Variants in TBP observed in about 807,000 individuals in gnomAD.
The protein encoded by TBP is TATA-box-binding protein.
In TBP, 12 loss-of-function variants were observed where a neutral mutation model predicts 46.2. That is an observed-to-expected ratio of 0.26 (90% CI 0.17 to 0.42). The LOEUF (loss-of-function observed/expected upper bound fraction) is 0.42, where lower values mean the gene tolerates loss of function less well. TBP is among the 10% of genes least tolerant of loss of function. The pLI is 1.00. For synonymous variants in TBP, 157 were observed against 148.3 expected (o/e 1.06, Z -0.42); for missense variants, 229 against 403.1 (o/e 0.57, Z 3.70).
At chr6:170,568,750 ACCTG>A (rs36143182) in intron 5 of TBP, among the ~76,000 whole-genome samples, 2 of 137,952 alleles carry the variant, frequency 1.4e-5, no homozygotes, top group African/African-American at 5.5e-5. Flanking sequence ...ACCGTGCCCG[ACCTG>A]CCTGCCTGCC....
intron 6 of TBP, among the ~76,000 whole-genome samples, chr6:170,571,044 T>C (rs898382552): frequency 1.3e-5 from 2 of 152,206 alleles, no homozygotes; most frequent in Admixed American, 1.3e-4. Flanking sequence ...ACTGTAATAG[T>C]AATTATTAGG....
intron 2 of TBP, among the ~76,000 whole-genome samples, chr6:170,557,465 T>G (rs539840378): frequency 2.7e-4 from 41 of 152,348 alleles, no homozygotes; most frequent in African/African-American, 9.6e-4. Flanking sequence ...CTGGGTGCAG[T>G]GGCTCACGCC....
In TBP at chr6:170,557,059, C is replaced by T. The variant is rs369276648; in HGVS notation, c.30C>T (p.Tyr10=). The T allele has an allele frequency of 1.5e-5, 24 of 1,614,106 alleles. No individual in the cohort carries two copies. Among genetic ancestry groups the T allele is most frequent in the South Asian group, 1.4e-4 (13 of 91,080 alleles). The change falls in exon 2 of 8, where the codon TAC becomes TAT. Residue 10 remains tyrosine, a synonymous_variant. Transcript: ENST00000392092. MDQNNSLPP[Y]AQGLASPQGA... is the part of the protein sequence containing the mutation. ...ATCAGAACAACAGCCTGCCACCTTA[C>T]GCTCAGGGCTTGGCCTCCCCTCAGG...
At chr6:170,564,696 A>G (rs1204654865) in intron 4 of TBP, 64 bp downstream of exon 4, 39 of 1,103,702 alleles carry the variant, frequency 3.5e-5, no homozygotes, top group Non-Finnish European at 4.1e-5. Flanking sequence ...GTGTCTCTAT[A>G]TTTTAATGTA....
intron 2 of TBP, among the ~76,000 whole-genome samples, chr6:170,557,735 C>CA (rs35269766): frequency 0.078 from 4,054 of 51,666 alleles, 590 homozygotes; most frequent in Non-Finnish European, 0.11. Context: ...GACTCTGTCT[C>CA]AAAAAAAAAA....
At chr6:170,569,545 T>G in intron 5 of TBP, 67 bp from the exon 6 acceptor site, 1 of 1,440,100 alleles carries the variant, frequency 6.9e-7, no homozygotes, top group Non-Finnish European at 9.4e-7. Flanking sequence ...TTTTTATAAG[T>G]TATTAGTCTA....
intron 2 of TBP, 117 bp downstream of exon 2, chr6:170,557,200 T>C (rs1779045333): frequency 1.0e-6 from 1 of 972,514 alleles, no homozygotes; most frequent in Admixed American, 2.3e-5. Context: ...TAATATGTTT[T>C]TTAAGCCTTA....
chr6:170,570,455 TG>T (rs986465376), intron 6 of TBP, among the ~76,000 whole-genome samples: 7 of 152,226 alleles, frequency 4.6e-5, no homozygotes, highest in African/African-American at 1.7e-4. Flanking sequence ...TCCTGAATTT[TG>T]TCTTAGGTCA....
intron 2 of TBP, among the ~76,000 whole-genome samples, chr6:170,558,237 C>A (rs1046638331): frequency 2.0e-4 from 30 of 152,162 alleles, no homozygotes; most frequent in Admixed American, 1.7e-3. Flanking sequence ...ATTGCTAGGT[C>A]CTATATTGGT....
At position 170,561,982 on chromosome 6, in the gene TBP, G is replaced by A. The variant is rs748266569; in HGVS notation, c.246G>A (p.Gln82=). Residue 82 remains glutamine (Q), a synonymous_variant, in exon 3 of 8, where the codon CAG becomes CAA. Transcript: ENST00000392092. ...AACAGCAGCAGCAGCAGCAGCAGCA[G>A]CAGCAGCAGCAGCAGCAGCAGCAGC... The part of the protein sequence containing the change: ...QQQQQQQQQQ[Q]QQQQQQQQQQ... 63 of 1,549,392 alleles carry A rather than the reference G, an allele frequency of 4.1e-5. No individual in the cohort carries two copies. The highest frequency in any genetic ancestry group is 6.9e-5 in the South Asian group (6 of 86,882).
chr6:170,557,644 G>T (rs73256671), intron 2 of TBP, among the ~76,000 whole-genome samples: 17,210 of 146,170 alleles, frequency 0.12, 1,800 homozygotes, highest in African/African-American at 0.29. Flanking sequence ...CTGAGGCAAG[G>T]AGAATTGCTT....
intron 2 of TBP, among the ~76,000 whole-genome samples, chr6:170,558,465 C>T (rs1324529065): frequency 1.3e-5 from 2 of 152,158 alleles, no homozygotes; most frequent in Non-Finnish European, 2.9e-5. Context: ...AAGTGCTTGT[C>T]AGCCACTCAT....
At chr6:170,558,932 G>A (rs12195143) in intron 2 of TBP, among the ~76,000 whole-genome samples, 6,521 of 152,176 alleles carry the variant, frequency 0.043, 172 homozygotes, top group Middle Eastern at 0.085. Context: ...TGATCCATCC[G>A]CCTTGGCCTC....
intron 3 of TBP, 118 bp downstream of exon 3, chr6:170,562,351 G>A (rs1204169793): frequency 8.4e-7 from 1 of 1,188,762 alleles, no homozygotes; most frequent in Non-Finnish European, 1.2e-6. Flanking sequence ...CGGTAATTGT[G>A]TATCAAAATT....
Position 170,569,741 on chromosome 6 carries a change from G to A in TBP, c.807G>A (p.Arg269=), listed in dbSNP as rs1779336777. The change falls in exon 6 of 8, where the codon AGG becomes AGA. Residue 269 remains arginine (R), a synonymous_variant. Transcript: ENST00000392092. The part of the protein sequence containing the change: ...VGSCDVKFPI[R]LEGLVLTHQQ... ...GCTGTGATGTGAAGTTTCCTATAAG[G>A]TTAGAAGGCCTTGTGCTCACCCACC... is the stretch of plus-strand genomic sequence containing the variant. 2 of 1,614,004 alleles carry A rather than the reference G, an allele frequency of 1.2e-6. No individual in the cohort carries two copies. The highest frequency in any genetic ancestry group is 8.5e-7 in the Non-Finnish European group (1 of 1,179,998).
intron 2 of TBP, among the ~76,000 whole-genome samples, chr6:170,558,248 A>G (rs906606601): frequency 1.3e-5 from 2 of 152,166 alleles, no homozygotes; most frequent in Admixed American, 6.6e-5. Flanking sequence ...CTATATTGGT[A>G]TATGTATAAC....
intron 5 of TBP, among the ~76,000 whole-genome samples, chr6:170,568,361 A>G (rs1779303918): frequency 6.6e-6 from 1 of 152,198 alleles, no homozygotes; most frequent in Non-Finnish European, 1.5e-5. Flanking sequence ...CCTGAAATTT[A>G]AAAGCGTAGC....
intron 5 of TBP, 147 bp from the exon 6 acceptor site, chr6:170,569,465 G>T (rs1470341998): frequency 5.2e-6 from 3 of 577,026 alleles, no homozygotes; most frequent in Non-Finnish European, 8.5e-6. Flanking sequence ...AATTGTGAAT[G>T]CCTGTCAGTC....
chr6:170,571,693 C>T (rs776378027), intron 7 of TBP, among the ~76,000 whole-genome samples, 189 bp downstream of exon 7: 19 of 152,168 alleles, frequency 1.2e-4, no homozygotes, highest in Non-Finnish European at 2.2e-4. Context: ...CTGACCACAG[C>T]TCTGCAAGCA....
Sources: allele counts gnomAD v4.1 joint callset (sites outside exome capture counted in the v4.1 genomes callset), GRCh38; gene constraint gnomAD v4.1.1; transcripts MANE v1.5; gene names NCBI Gene and HGNC (gene_info 2026-07-23, HGNC 2026-07-21).